The following DPF3 variants were observed in gnomAD, a reference collection of about 807,000 sequenced individuals.
The protein encoded by DPF3 is zinc finger protein DPF3.
Under a neutral mutation model 56.8 loss-of-function variants are expected in DPF3, and 18 were observed. That is an observed-to-expected ratio of 0.32 (90% CI 0.22 to 0.47). The LOEUF (loss-of-function observed/expected upper bound fraction) is 0.47, where lower values mean the gene tolerates loss of function less well. DPF3 is among the 20% of genes least tolerant of loss of function. The probability of loss-of-function intolerance (pLI) is 1.00; values close to 1 mark genes in which losing one functional copy is unlikely to be tolerated. For synonymous variants in DPF3, 188 were observed against 180.2 expected (o/e 1.04, Z -0.35); for missense variants, 403 against 488.8 (o/e 0.82, Z 1.65).
At position 72,753,315 on chromosome 14, in the gene DPF3, G is replaced by T. The variant is rs764426480; in HGVS notation, c.250C>A (p.Arg84=). ...TTTGGATCTTCAGGTGGGTGCAATC[G>T]TCTCTTCTTGCGCCAGCAGCGGGCA... ...YPARCWRKKR[R]LHPPEDPKLR... Residue 84 remains arginine (R), a synonymous_variant, in exon 3 of 11, where the codon CGA becomes AGA. Coordinates refer to ENST00000556509, the MANE Select transcript of DPF3 (RefSeq NM_001280542.3). 1 of 1,613,574 alleles carries T rather than the reference G, an allele frequency of 6.2e-7. No individual in the cohort carries two copies. Among genetic ancestry groups the T allele is most frequent in the Non-Finnish European group, 8.5e-7 (1 of 1,179,842 alleles).
At chr14:72,783,832 T>C (rs1167151765) in intron 1 of DPF3, among the ~76,000 whole-genome samples, 2 of 152,182 alleles carry the variant, frequency 1.3e-5, no homozygotes, top group African/African-American at 2.4e-5. Context: ...TGGTCTTTCC[T>C]GCAGAGCTGA....
chr14:72,769,226 G>T (rs989458125), intron 2 of DPF3, among the ~76,000 whole-genome samples: 1 of 152,110 alleles, frequency 6.6e-6, no homozygotes, highest in African/African-American at 2.4e-5. Flanking sequence ...ACAGCACTGC[G>T]GTCTCTAAGT....
intron 1 of DPF3, among the ~76,000 whole-genome samples, chr14:72,799,794 A>G (rs1330104408): frequency 1.3e-5 from 2 of 152,112 alleles, no homozygotes; most frequent in Non-Finnish European, 2.9e-5. Context: ...TAGTATGGAA[A>G]GGCAGATAAC....
chr14:72,830,942 CT>C (rs942334296), intron 1 of DPF3, among the ~76,000 whole-genome samples: 1 of 152,224 alleles, frequency 6.6e-6, no homozygotes, highest in African/African-American at 2.4e-5. Context: ...CCTCGGGCCT[CT>C]GCCCTGGGCT....
At chr14:72,636,465 G>T in intron 8 of DPF3, among the ~76,000 whole-genome samples, 1 of 151,566 alleles carries the variant, frequency 6.6e-6, no homozygotes, top group Admixed American at 6.6e-5. Flanking sequence ...TCCCTCTTCT[G>T]TCTCTCTCTC....
At chr14:72,677,571 G>A (rs939697574) in intron 7 of DPF3, among the ~76,000 whole-genome samples, 1 of 152,134 alleles carries the variant, frequency 6.6e-6, no homozygotes, top group Non-Finnish European at 1.5e-5. Context: ...TACTCCTTCA[G>A]GTTGGAGACC....
At chr14:72,768,845 T>A (rs1891394062) in intron 2 of DPF3, among the ~76,000 whole-genome samples, 1 of 151,772 alleles carries the variant, frequency 6.6e-6, no homozygotes, top group African/African-American at 2.4e-5. Flanking sequence ...ACAAAAAGAC[T>A]TGCAAAAAAA....
chr14:72,750,143 T>C (rs2139895215), intron 3 of DPF3, among the ~76,000 whole-genome samples: 1 of 152,332 alleles, frequency 6.6e-6, no homozygotes, highest in East Asian at 1.9e-4. Context: ...AGAAGAAGCC[T>C]GGCTAAAGTT....
intron 5 of DPF3, among the ~76,000 whole-genome samples, chr14:72,719,105 T>C (rs1889064254): frequency 7.6e-6 from 1 of 131,164 alleles, no homozygotes; most frequent in Admixed American, 8.8e-5. Context: ...GGTCTCACTC[T>C]GTCACTAGGG....
chr14:72,824,713 A>G (rs545685645), intron 1 of DPF3, among the ~76,000 whole-genome samples: 1 of 152,072 alleles, frequency 6.6e-6, no homozygotes, highest in South Asian at 2.1e-4. Context: ...CTGGGATTAC[A>G]GGCACCTGCC....
At chr14:72,704,532 C>G (rs994399328) in intron 6 of DPF3, among the ~76,000 whole-genome samples, 1 of 152,112 alleles carries the variant, frequency 6.6e-6, no homozygotes, top group African/African-American at 2.4e-5. Flanking sequence ...CCACCCCCTG[C>G]CTGAGGTAGG....
At chr14:72,773,895 T>A in intron 1 of DPF3, 2 of 455,710 alleles carry the variant, frequency 4.4e-6, no homozygotes, top group South Asian at 3.1e-5. Flanking sequence ...ATTTTGCTTA[T>A]CCATTCATCT....
At position 72,629,856 on chromosome 14, in the gene DPF3, G is replaced by A. The variant is rs530882348; in HGVS notation, c.872-120C>T. The A allele has an allele frequency of 9.1e-5, 72 of 790,778 alleles. No individual in the cohort carries two copies. In the African/African-American group the frequency reaches 1.1e-3, roughly 12 times the overall value. The allele number at this position is 790,778 out of a possible 1,614,324, so 49.0% of individuals were successfully genotyped here. A position where few individuals can be genotyped will look rare whatever the true frequency, so the allele number is the denominator to read the frequency against. ...GGCAGGGCAGGGTAGCATGACGTAG[G>A]GAAAAAAATGGGGACCCAAACAGGG... On this transcript the variant is annotated intron_variant, in intron 8 of 10. Transcript: ENST00000556509.
At chr14:72,818,601 C>G (rs1334326183) in intron 1 of DPF3, among the ~76,000 whole-genome samples, 1 of 152,168 alleles carries the variant, frequency 6.6e-6, no homozygotes, top group Non-Finnish European at 1.5e-5. Flanking sequence ...TGCTTGAGCC[C>G]ACGAGTTCGA....
intron 8 of DPF3, among the ~76,000 whole-genome samples, chr14:72,632,580 GGA>G (rs985211121): frequency 1.4e-5 from 2 of 146,758 alleles, no homozygotes; most frequent in African/African-American, 2.5e-5. Flanking sequence ...ATAAGAAAAA[GGA>G]GAGAGAGAGG....
intron 1 of DPF3, among the ~76,000 whole-genome samples, chr14:72,842,213 G>GC (rs1334945287): frequency 6.6e-6 from 1 of 151,932 alleles, no homozygotes; most frequent in Non-Finnish European, 1.5e-5. Context: ...ACATACGCCT[G>GC]CCCCATGACC....
At chr14:72,813,658 G>C (rs1398668118) in intron 1 of DPF3, among the ~76,000 whole-genome samples, 2 of 152,240 alleles carry the variant, frequency 1.3e-5, no homozygotes, top group African/African-American at 2.4e-5. Context: ...CAGCCAGGGG[G>C]CTGGACTGCA....
chr14:72,671,053 T>C, intron 8 of DPF3: 1 of 1,516,206 alleles, frequency 6.6e-7, no homozygotes, highest in Non-Finnish European at 8.9e-7. Flanking sequence ...TGCCTTTCAT[T>C]AAAAAAAATA....
At chr14:72,649,867 A>G (rs1029456336) in intron 8 of DPF3, among the ~76,000 whole-genome samples, 2 of 152,190 alleles carry the variant, frequency 1.3e-5, no homozygotes, top group Non-Finnish European at 2.9e-5. Flanking sequence ...GCTGGCAGAG[A>G]CAGGATGAAA....
Sources: gnomAD v4.1 joint callset for allele counts (sites outside exome capture counted in the v4.1 genomes callset) on GRCh38, gnomAD v4.1.1 for gene constraint, MANE v1.5 for transcripts, NCBI Gene and HGNC (gene_info 2026-07-23, HGNC 2026-07-21) for gene names.